The following NUP98 variants were observed in gnomAD, a reference collection of about 807,000 sequenced individuals.
NUP98 encodes nucleoporin 98 and 96 precursor, also known as nuclear pore complex protein Nup98-Nup96.
Under a neutral mutation model 191.9 loss-of-function variants are expected in NUP98, and 26 were observed. The ratio of observed to expected loss-of-function variants is 0.14; its 90% CI spans 0.10 to 0.19. The LOEUF (loss-of-function observed/expected upper bound fraction) is 0.19. Among genes scored for constraint, NUP98 ranks in the 10% least tolerant of loss-of-function variants. NUP98 has a pLI of 1.00. For missense variants in NUP98, 1,941 were observed against 2,178.8 expected, an observed-to-expected ratio of 0.89 and a Z score of 2.17; for synonymous variants, 808 against 778.4, an observed-to-expected ratio of 1.04 and a Z score of -0.63.
intron 13 of NUP98, 97 bp downstream of exon 13, chr11:3,735,094 C>T (rs2079995421): frequency 5.4e-6 from 6 of 1,105,598 alleles, no homozygotes; most frequent in South Asian, 4.7e-5. Flanking sequence ...CCTAGCTTTG[C>T]TTAATCCCTT....
chr11:3,687,880 C>T (rs2078177556), intron 28 of NUP98, among the ~76,000 whole-genome samples: 1 of 149,632 alleles, frequency 6.7e-6, no homozygotes, highest in African/African-American at 2.5e-5. Context: ...GCTAACAAAA[C>T]AAGGCTGGGT....
rs2078826163 is a variant in NUP98 at position 3,705,287 on chromosome 11, G to A, written c.2995C>T (p.Leu999=). 3 of 1,614,068 alleles carry A rather than the reference G, an allele frequency of 1.9e-6. No homozygotes were observed. The highest frequency in any genetic ancestry group is 1.7e-5 in the Admixed American group (1 of 59,996). The change falls in exon 22 of 33, where the codon CTG becomes TTG. Residue 999 remains leucine, a synonymous_variant. Transcript: ENST00000324932. ...TGAGAAGTATCTGCTTTGGAAGGCA[G>A]GCGACTGAAGCGTTGATCCAGTGCC... ...DMALDQRFSR[L]PSKADTSQEI... is the part of the protein sequence containing the mutation.
chr11:3,789,975 G>A (rs1430943778), intron 1 of NUP98, among the ~76,000 whole-genome samples: 1 of 151,990 alleles, frequency 6.6e-6, no homozygotes, highest in Non-Finnish European at 1.5e-5. Context: ...AGTAGACATG[G>A]GGTTTCACCA....
At chr11:3,691,179 C>G (rs146458885) in intron 28 of NUP98, among the ~76,000 whole-genome samples, 168 bp downstream of exon 28, 1 of 152,262 alleles carries the variant, frequency 6.6e-6, no homozygotes, top group Non-Finnish European at 1.5e-5. Flanking sequence ...TTTTAGACTT[C>G]TAATTCTAGT....
At chr11:3,767,310 T>G (rs1057352816) in intron 8 of NUP98, among the ~76,000 whole-genome samples, 10 of 151,752 alleles carry the variant, frequency 6.6e-5, no homozygotes, top group East Asian at 3.9e-4. Context: ...TTTGAAGACA[T>G]GGCGGTACAA....
At chr11:3,706,777 G>T in intron 20 of NUP98, 150 bp from the exon 21 acceptor site, 1 of 723,150 alleles carries the variant, frequency 1.4e-6, no homozygotes, top group Non-Finnish European at 2.3e-6. Flanking sequence ...ATTTGCTAGA[G>T]TGATTTAAAA....
At position 3,700,837 on chromosome 11, in the gene NUP98, A is replaced by C; in HGVS notation, c.3515T>G (p.Leu1172Arg). The C allele has an allele frequency of 6.2e-7, 1 of 1,606,384 alleles. No homozygotes were observed. Among genetic ancestry groups the C allele is most frequent in the Non-Finnish European group, 8.5e-7 (1 of 1,174,016 alleles). ...GTGAACTTTGAATGGGGACTCAGTTAGGCTACAAGAGCAAATGAGGAATAG... is the reference window on the plus strand; with the variant it reads ...GTGAACTTTGAATGGGGACTCAGTTCGGCTACAAGAGCAAATGAGGAATAG... Reference protein sequence around the residue: ...FLPNPVAVKPLTESPFKVHLE... With the variant: ...FLPNPVAVKPRTESPFKVHLE... The change falls in exon 24 of 33, where the codon CTA becomes CGA. Residue 1172 changes from leucine to arginine, a missense_variant and splice_region_variant. Coordinates refer to ENST00000324932, the MANE Select transcript of NUP98 (RefSeq NM_016320.5).
chr11:3,730,307 T>A (rs2079795056), intron 14 of NUP98, among the ~76,000 whole-genome samples: 1 of 152,070 alleles, frequency 6.6e-6, no homozygotes. Flanking sequence ...TTTACTGATA[T>A]TCTAAGAAAC....
intron 1 of NUP98, among the ~76,000 whole-genome samples, chr11:3,783,655 C>T (rs1278584800): frequency 6.6e-6 from 1 of 152,130 alleles, no homozygotes; most frequent in African/African-American, 2.4e-5. Context: ...GCTGAGATCG[C>T]ACCATTGTAC....
chr11:3,711,773 A>G, intron 20 of NUP98: 2 of 824,394 alleles, frequency 2.4e-6, no homozygotes, highest in African/African-American at 1.8e-5. Context: ...AGTTTCCCAC[A>G]TTTATCATAC....
At position 3,702,678 on chromosome 11, in the gene NUP98, G is replaced by C. The variant is rs1273548805; in HGVS notation, c.3297C>G (p.Gly1099=). The change falls in exon 23 of 33, where the codon GGC becomes GGG. Residue 1099 remains glycine, a synonymous_variant. Coordinates refer to ENST00000324932, the MANE Select transcript of NUP98 (RefSeq NM_016320.5). ...LKTVGTRRQL[G]LVPREKSVTY... ...TGACAGACTTTTCACGAGGGACTAG[G>C]CCTAGTTGCCTACGTGTACCCACTG... 1 of 1,614,144 alleles carries C rather than the reference G, an allele frequency of 6.2e-7. No homozygotes were observed. The highest frequency in any genetic ancestry group is 1.7e-5 in the Admixed American group (1 of 60,002).
intron 8 of NUP98, 95 bp downstream of exon 8, chr11:3,768,486 G>C: frequency 8.9e-7 from 1 of 1,121,450 alleles, no homozygotes; most frequent in Non-Finnish European, 1.2e-6. Flanking sequence ...AAGATTTGCA[G>C]TACAGGTAGA....
chr11:3,774,171 G>A (rs1041369686), intron 5 of NUP98, among the ~76,000 whole-genome samples: 5 of 152,164 alleles, frequency 3.3e-5, no homozygotes, highest in South Asian at 4.1e-4. Context: ...AGGCCGAGGC[G>A]GGTGGATCAT....
At chr11:3,754,518 C>A (rs2080888334) in intron 10 of NUP98, among the ~76,000 whole-genome samples, 1 of 152,172 alleles carries the variant, frequency 6.6e-6, no homozygotes, top group African/African-American at 2.4e-5. Context: ...ACTTACAAAA[C>A]TTTCCACAGT....
intron 30 of NUP98, 42 bp from the exon 31 acceptor site, chr11:3,679,750 A>G (rs376661348): frequency 5.7e-6 from 9 of 1,584,766 alleles, no homozygotes; most frequent in East Asian, 2.2e-5. Context: ...GCACAAGTGC[A>G]TAGTTTCCAA....
chr11:3,746,212 T>C (rs1168813854), intron 11 of NUP98, among the ~76,000 whole-genome samples: 1 of 124,986 alleles, frequency 8.0e-6, no homozygotes, highest in Non-Finnish European at 1.6e-5. Context: ...GAGGTTGCGG[T>C]GAGCCAAGAT....
intron 4 of NUP98, 100 bp from the exon 5 acceptor site, chr11:3,776,121 AT>A (rs777947710): frequency 0.14 from 72,857 of 529,324 alleles, no homozygotes; most frequent in South Asian, 0.15. Context: ...ACAGTACTTC[AT>A]TTTTTTTTTT....
intron 20 of NUP98, among the ~76,000 whole-genome samples, chr11:3,707,605 C>T (rs997783679): frequency 2.0e-5 from 3 of 150,562 alleles, no homozygotes; most frequent in South Asian, 2.1e-4. Context: ...AAAAATTAGC[C>T]GATGTAGTGG....
intron 4 of NUP98, among the ~76,000 whole-genome samples, chr11:3,777,477 C>G (rs1391347410): frequency 6.6e-6 from 1 of 151,876 alleles, no homozygotes. Flanking sequence ...AAAAATTAGC[C>G]AGGCGTGATG....
Sources: allele counts gnomAD v4.1 joint callset (sites outside exome capture counted in the v4.1 genomes callset), GRCh38; gene constraint gnomAD v4.1.1; transcripts MANE v1.5; gene names NCBI Gene and HGNC (gene_info 2026-07-23, HGNC 2026-07-21).